FAM78B: variants seen among roughly 807,000 people sequenced by gnomAD.
The protein encoded by FAM78B is family with sequence similarity 78 member B.
FAM78B carries 10 observed loss-of-function variants against 20.0 expected under a neutral mutation model. The observed-to-expected ratio is 0.50, with a 90% CI of 0.31 to 0.85. The LOEUF is 0.85. Among genes scored for constraint, FAM78B ranks in the 40% least tolerant of loss-of-function variants. The probability of loss-of-function intolerance (pLI) is 0.05; values close to 1 mark genes in which losing one functional copy is unlikely to be tolerated. For missense variants in FAM78B, 283 were observed against 345.0 expected (o/e 0.82, Z 1.42); for synonymous variants, 135 against 132.8 (o/e 1.02, Z -0.12).
intron 1 of FAM78B, among the ~76,000 whole-genome samples, chr1:166,139,944 C>CT (rs1309500809): frequency 2.6e-5 from 4 of 152,212 alleles, no homozygotes; most frequent in Non-Finnish European, 5.9e-5. Context: ...AGCCTCCCTA[C>CT]TACCACCACC....
At chr1:166,106,420 T>C (rs755489616) in intron 1 of FAM78B, among the ~76,000 whole-genome samples, 7 of 151,804 alleles carry the variant, frequency 4.6e-5, no homozygotes, top group Non-Finnish European at 1.0e-4. Context: ...TGAAATCATG[T>C]GCACATGTAC....
At chr1:166,061,893 G>T (rs1651615752) in intron 2 of FAM78B, among the ~76,000 whole-genome samples, 1 of 152,212 alleles carries the variant, frequency 6.6e-6, no homozygotes, top group Non-Finnish European at 1.5e-5. Flanking sequence ...CCCTGAGTCT[G>T]CCTGCTGCTC....
At position 166,074,415 on chromosome 1, in the gene FAM78B, GATTAT is replaced by G. The variant is rs142443299; in HGVS notation, c.264-3657_264-3653del. On this transcript the variant is annotated intron_variant, in intron 1 of 1. Transcript: ENST00000354422. The stretch of plus-strand genomic sequence containing the variant: ...GATATATCTACAACTACAGGTGTCA[GATTAT>G]ATTATAACGATCTGTATGTCTTTCT... Among the ~76,000 whole-genome samples the G allele has an allele frequency of 9.1e-3, 1,384 of 152,272 alleles. 24 individuals are homozygous for G. Among genetic ancestry groups the G allele is most frequent in the African/African-American group, 0.032 (1,337 of 41,542 alleles).
In FAM78B at chr1:166,157,040, G is replaced by A. The variant is rs1417265808; in HGVS notation, c.263+8946C>T. 5.5e-5 allele frequency among the ~76,000 whole-genome samples: 6 copies of A among 108,768 alleles called. 1 individual carries two copies. The highest frequency in any genetic ancestry group is 1.1e-3 in the South Asian group (2 of 1,772). 71.4% of individuals were successfully genotyped at this position (108,768 alleles called of 152,430 possible). A position where few individuals can be genotyped will look rare whatever the true frequency, so the allele number is the denominator to read the frequency against. On this transcript the variant is annotated intron_variant, in intron 1 of 1. Coordinates refer to ENST00000354422, the MANE Select transcript of FAM78B (RefSeq NM_001017961.5). ...ATGACGTCAAGGGGGCGGCGGAGGG[G>A]GGGGGGGGGCTCCAATGCCTTCCTC...
chr1:166,063,324 G>A (rs1007756225), intron 2 of FAM78B, among the ~76,000 whole-genome samples: 2 of 152,202 alleles, frequency 1.3e-5, no homozygotes, highest in African/African-American at 2.4e-5. Flanking sequence ...TTCTTGTGAA[G>A]AGAGGAGTGA....
At chr1:166,090,467 A>C (rs1037332899) in intron 1 of FAM78B, among the ~76,000 whole-genome samples, 2 of 152,168 alleles carry the variant, frequency 1.3e-5, no homozygotes, top group African/African-American at 4.8e-5. Flanking sequence ...CCAAAGGAGG[A>C]GGCCACTCCA....
chr1:166,091,439 C>G (rs1266661396), intron 1 of FAM78B, among the ~76,000 whole-genome samples: 7 of 152,118 alleles, frequency 4.6e-5, no homozygotes, highest in African/African-American at 1.7e-4. Context: ...GGGGGAGTTC[C>G]CCTGCACAAG....
chr1:166,084,111 C>T (rs956484753), intron 1 of FAM78B, among the ~76,000 whole-genome samples: 14 of 151,870 alleles, frequency 9.2e-5, no homozygotes, highest in East Asian at 7.7e-4. Flanking sequence ...CCAAGAAAGA[C>T]GCACATCCAC....
chr1:166,090,422 G>GA (rs904990592), intron 1 of FAM78B, among the ~76,000 whole-genome samples: 10 of 152,050 alleles, frequency 6.6e-5, no homozygotes, highest in Admixed American at 6.5e-4. Context: ...AGACTAGGCT[G>GA]AAAAAAACAA....
intron 1 of FAM78B, among the ~76,000 whole-genome samples, chr1:166,094,511 A>G (rs778172580): frequency 4.6e-5 from 7 of 152,316 alleles, no homozygotes; most frequent in Non-Finnish European, 7.3e-5. Flanking sequence ...GCCAGGCTGC[A>G]CTGTGTGGTG....
intron 1 of FAM78B, among the ~76,000 whole-genome samples, chr1:166,102,884 C>G (rs929329455): frequency 6.6e-6 from 1 of 152,312 alleles, no homozygotes; most frequent in African/African-American, 2.4e-5. Flanking sequence ...GAACTCTCCA[C>G]CCCAAATCAA....
At chr1:166,087,673 G>A (rs571930636) in intron 1 of FAM78B, among the ~76,000 whole-genome samples, 7 of 152,222 alleles carry the variant, frequency 4.6e-5, no homozygotes, top group Admixed American at 1.3e-4. Flanking sequence ...TGCCCAGCTT[G>A]TAAGTGGCAG....
intron 1 of FAM78B, among the ~76,000 whole-genome samples, chr1:166,161,398 T>A (rs1389273410): frequency 1.3e-5 from 2 of 152,238 alleles, no homozygotes; most frequent in Admixed American, 1.3e-4. Context: ...TCCACCTGCC[T>A]CGGCCTCCCA....
chr1:166,096,358 T>C (rs141672576), intron 1 of FAM78B, among the ~76,000 whole-genome samples: 14 of 152,280 alleles, frequency 9.2e-5, no homozygotes, highest in Admixed American at 3.9e-4. Context: ...TTGGGCTGCT[T>C]ACATCTGTGG....
chr1:166,131,178 G>T (rs778561255), intron 1 of FAM78B, among the ~76,000 whole-genome samples: 3 of 151,930 alleles, frequency 2.0e-5, no homozygotes, highest in Non-Finnish European at 4.4e-5. Flanking sequence ...TTTTAGTAGA[G>T]ATGGGGTTTC....
chr1:166,146,702 G>A (rs1191816140), intron 1 of FAM78B, among the ~76,000 whole-genome samples: 1 of 152,228 alleles, frequency 6.6e-6, no homozygotes, highest in Non-Finnish European at 1.5e-5. Flanking sequence ...TCAGAAGGCA[G>A]AGGGGAAGTG....
At chr1:166,150,460 GAA>G (rs771829296) in intron 1 of FAM78B, among the ~76,000 whole-genome samples, 5 of 152,124 alleles carry the variant, frequency 3.3e-5, no homozygotes, top group African/African-American at 4.8e-5. Flanking sequence ...TAAATCTCCT[GAA>G]AAACTCCTAC....
intron 1 of FAM78B, among the ~76,000 whole-genome samples, chr1:166,161,317 T>C (rs569012894): frequency 2.0e-5 from 3 of 152,262 alleles, no homozygotes; most frequent in African/African-American, 7.2e-5. Context: ...CAGCTACTTT[T>C]TGGAATTTTT....
In FAM78B at chr1:166,109,842, A is replaced by G. The variant is rs1455765204; in HGVS notation, c.264-39079T>C. ...TATATATATATATATGTATATATGT[A>G]TATATATATATATATATATGTATGT... On this transcript the variant is annotated intron_variant, in intron 1 of 1. Coordinates refer to ENST00000354422, the MANE Select transcript of FAM78B (RefSeq NM_001017961.5). Among the ~76,000 whole-genome samples the G allele has an allele frequency of 5.5e-3, 143 of 25,786 alleles. 11 individuals carry two copies. The highest frequency in any genetic ancestry group is 0.022 in the South Asian group (10 of 462). The allele number at this position is 25,786 out of a possible 152,430, so 16.9% of individuals were successfully genotyped here. A position where few individuals can be genotyped will look rare whatever the true frequency, so the allele number is the denominator to read the frequency against.
Sources: gnomAD v4.1 joint callset for allele counts (sites outside exome capture counted in the v4.1 genomes callset) on GRCh38, gnomAD v4.1.1 for gene constraint, MANE v1.5 for transcripts, NCBI Gene and HGNC (gene_info 2026-07-23, HGNC 2026-07-21) for gene names.